Variants in STARD13 observed in about 807,000 individuals in gnomAD.
STARD13 encodes StAR related lipid transfer domain containing 13.
Under a neutral mutation model 106.4 loss-of-function variants are expected in STARD13, and 62 were observed. The observed-to-expected ratio is 0.58, with a 90% confidence interval of 0.48 to 0.72. STARD13 has a LOEUF of 0.72. Ranked by LOEUF, STARD13 falls within the 30% of genes least tolerant of loss-of-function variation. STARD13 has a pLI of 0.00. For synonymous variants in STARD13, 565 were observed against 553.0 expected (o/e 1.02, Z -0.31); for missense variants, 1,387 against 1,424.0 (o/e 0.97, Z 0.42).
At chr13:33,414,032 CAA>C in the STARD13 span, among the ~76,000 whole-genome samples, 1 of 48,172 alleles carries the variant, frequency 2.1e-5, no homozygotes. Context: ...GATTCCCTCT[CAA>C]AAAAAAAAAA....
At chr13:33,259,657 A>T (rs192114753) in intron 1 of STARD13, among the ~76,000 whole-genome samples, 96 of 152,346 alleles carry the variant, frequency 6.3e-4, no homozygotes, top group African/African-American at 2.3e-3. Context: ...GGGCCTAGGA[A>T]ATCGCCAAAA....
the STARD13 span, among the ~76,000 whole-genome samples, chr13:33,479,783 G>A: frequency 1.7e-3 from 256 of 152,168 alleles, 1 homozygote; most frequent in Non-Finnish European, 2.6e-3. Context: ...GTGAATTCTC[G>A]TGAGATCTGG....
chr13:33,308,498 T>TTTTTTC lies in STARD13; in HGVS notation c.124+41786_124+41791dup, dbSNP rs1156593013. On this transcript the variant is annotated intron_variant, in intron 1 of 5. Transcript: ENST00000567873. The stretch of plus-strand genomic sequence containing the variant: ...TTCTAATTTCTTTTTCTTTTCTTCC[T>TTTTTTC]TTTTTCTTTTTCTTTTTCTTTCTTT... 6.2e-3 allele frequency among the ~76,000 whole-genome samples: 913 copies of TTTTTTC among 148,192 alleles called. 20 individuals carry two copies. The highest frequency in any genetic ancestry group is 0.022 in the African/African-American group (871 of 40,086).
chr13:33,339,775 C>A (rs143400189), intron 1 of STARD13, among the ~76,000 whole-genome samples: 5 of 152,228 alleles, frequency 3.3e-5, no homozygotes, highest in Admixed American at 6.5e-5. Flanking sequence ...CTTAGGAAAT[C>A]TTTTCTTGGC....
the STARD13 span, among the ~76,000 whole-genome samples, chr13:33,394,147 A>G: frequency 6.6e-6 from 1 of 152,058 alleles, no homozygotes; most frequent in African/African-American, 2.4e-5. Flanking sequence ...TCTCACAACC[A>G]TATTACTCTG....
At chr13:33,333,595 T>C (rs1291669642) in intron 1 of STARD13, 1 of 152,216 alleles carries the variant, frequency 6.6e-6, no homozygotes, top group Non-Finnish European at 1.5e-5. Flanking sequence ...GTTGGGATCA[T>C]GGCAGGACAG....
chr13:33,305,859 A>G (rs1007532086), intron 1 of STARD13, among the ~76,000 whole-genome samples: 3 of 152,212 alleles, frequency 2.0e-5, no homozygotes, highest in African/African-American at 7.2e-5. Context: ...ACACATAAAA[A>G]TGAGAATCTT....
the STARD13 span, among the ~76,000 whole-genome samples, chr13:33,419,024 A>C: frequency 6.6e-6 from 1 of 152,242 alleles, no homozygotes; most frequent in Non-Finnish European, 1.5e-5. Context: ...AGAGCAGAAA[A>C]GCTGAAAATT....
chr13:33,392,100 G>A, the STARD13 span, among the ~76,000 whole-genome samples: 7 of 152,124 alleles, frequency 4.6e-5, no homozygotes, highest in Non-Finnish European at 1.0e-4. Context: ...TAGACATCCT[G>A]CAGATTCGTA....
chr13:33,396,636 T>C, the STARD13 span, among the ~76,000 whole-genome samples: 2 of 152,296 alleles, frequency 1.3e-5, no homozygotes, highest in Admixed American at 1.3e-4. Flanking sequence ...TTAAAGCCAA[T>C]GATTTTTAAC....
the STARD13 span, among the ~76,000 whole-genome samples, chr13:33,389,058 C>T: frequency 1.3e-5 from 2 of 150,700 alleles, no homozygotes; most frequent in East Asian, 2.0e-4. Flanking sequence ...CAGGTTCAAG[C>T]GATTCTCCTG....
At chr13:33,597,811 G>A in the STARD13 span, among the ~76,000 whole-genome samples, 76 of 151,474 alleles carry the variant, frequency 5.0e-4, no homozygotes, top group African/African-American at 1.5e-3. Flanking sequence ...CTGAGATCGC[G>A]CCACTGCACT....
chr13:33,519,673 C>T, the STARD13 span, among the ~76,000 whole-genome samples: 42 of 152,140 alleles, frequency 2.8e-4, no homozygotes, highest in African/African-American at 7.5e-4. Context: ...CAATGACCAA[C>T]TTAAAAAGCC....
chr13:33,388,950 CCTT>C, the STARD13 span, among the ~76,000 whole-genome samples: 2 of 147,702 alleles, frequency 1.4e-5, no homozygotes, highest in Non-Finnish European at 3.0e-5. Context: ...GGTTAGGGGT[CCTT>C]CTTTTTTTTT....
the STARD13 span, among the ~76,000 whole-genome samples, chr13:33,646,061 A>G: frequency 6.6e-6 from 1 of 152,358 alleles, no homozygotes; most frequent in African/African-American, 2.4e-5. Context: ...AAAGCTTATC[A>G]AAGCAAATGC....
the STARD13 span, among the ~76,000 whole-genome samples, chr13:33,471,533 G>A: frequency 6.6e-6 from 1 of 152,028 alleles, no homozygotes. Flanking sequence ...TCCCTCAGAG[G>A]GCTATTTCCA....
At chr13:33,127,647 C>T in intron 5 of STARD13, 101 bp from the exon 6 acceptor site, 2 of 1,225,296 alleles carry the variant, frequency 1.6e-6, no homozygotes, top group Non-Finnish European at 2.2e-6. Flanking sequence ...AAGATAGCAG[C>T]CGAGCAAAGA....
At chr13:33,170,990 C>A (rs1005284227) in intron 1 of STARD13, among the ~76,000 whole-genome samples, 66 of 152,126 alleles carry the variant, frequency 4.3e-4, no homozygotes, top group African/African-American at 1.6e-3. Flanking sequence ...TTTCCCCAGG[C>A]CCTTCCACTG....
intron 1 of STARD13, among the ~76,000 whole-genome samples, chr13:33,197,416 T>TTGTGTGTGTG (rs142681141): frequency 0.015 from 2,262 of 148,114 alleles, 21 homozygotes; most frequent in African/African-American, 0.027. Context: ...AGGAAGAGAG[T>TTGTGTGTGTG]TGTGTGTGTG....
Sources: gnomAD v4.1 joint callset for allele counts (sites outside exome capture counted in the v4.1 genomes callset) on GRCh38, gnomAD v4.1.1 for gene constraint, MANE v1.5 for transcripts, NCBI Gene and HGNC (gene_info 2026-07-23, HGNC 2026-07-21) for gene names.